Variants in SYNDIG1 observed in about 807,000 individuals in gnomAD.
SYNDIG1 encodes synapse differentiation-inducing gene protein 1.
A neutral mutation model predicts 19.4 loss-of-function variants in SYNDIG1; 9 were observed. That is an observed-to-expected ratio of 0.46 (90% CI 0.28 to 0.81). The LOEUF (loss-of-function observed/expected upper bound fraction) is 0.81, where lower values mean the gene tolerates loss of function less well. SYNDIG1 is among the 30% of genes least tolerant of loss of function. The pLI, the probability that SYNDIG1 is intolerant of heterozygous loss-of-function variation, is 0.12. For synonymous variants in SYNDIG1, 141 were observed against 145.9 expected (o/e 0.97, Z 0.24); for missense variants, 311 against 343.3 (o/e 0.91, Z 0.74).
Position 24,666,316 on chromosome 20 carries a change from C to T in SYNDIG1, c.*812C>T, listed in dbSNP as rs2059646753. On this transcript the variant is annotated 3_prime_UTR_variant, in exon 4 of 4. Transcript: ENST00000376862. ...ACTGCAGCTATGGGCACTGCCTCAG[C>T]CTAAAGACACAGGGGCGCCTCCCAA... The T allele has an allele frequency of 6.6e-6, 1 of 152,642 alleles. No homozygotes were observed. The highest frequency in any genetic ancestry group is 2.4e-5 in the African/African-American group (1 of 41,454). The allele number at this position is 152,642 out of a possible 1,614,324, so 9.5% of individuals were successfully genotyped here.
intron 3 of SYNDIG1, among the ~76,000 whole-genome samples, chr20:24,661,655 G>A (rs1451218066): frequency 2.0e-5 from 3 of 152,010 alleles, no homozygotes; most frequent in African/African-American, 7.2e-5. Flanking sequence ...CAGCATGCCA[G>A]CATATGCCAA....
chr20:24,589,340 T>C (rs2058469319), intron 3 of SYNDIG1, among the ~76,000 whole-genome samples: 2 of 152,220 alleles, frequency 1.3e-5, no homozygotes. Context: ...TATGGGCACA[T>C]GAGGGAAATA....
chr20:24,649,925 A>T (rs2147364202), intron 3 of SYNDIG1, among the ~76,000 whole-genome samples: 1 of 152,348 alleles, frequency 6.6e-6, no homozygotes, highest in Admixed American at 6.5e-5. Context: ...TGCAAATAAA[A>T]CTAATTCAAA....
intron 3 of SYNDIG1, among the ~76,000 whole-genome samples, chr20:24,635,531 T>C (rs2059306546): frequency 6.6e-6 from 1 of 152,230 alleles, no homozygotes; most frequent in South Asian, 2.1e-4. Context: ...GTCTCTGTGC[T>C]GGTTGGGTCT....
chr20:24,582,984 C>T lies in SYNDIG1; in HGVS notation c.481-1872C>T, dbSNP rs116577375. ...GCAGGCTTGTTGGGGGGCGAGTAAA[C>T]AGTGAGCCCAAGTTCCACGAGAGGC... On this transcript the variant is annotated intron_variant, in intron 2 of 3. Transcript: ENST00000376862. 5.8e-3 allele frequency among the ~76,000 whole-genome samples: 887 copies of T among 152,290 alleles called. 4 individuals are homozygous for T. Among genetic ancestry groups the T allele is most frequent in the African/African-American group, 0.02 (824 of 41,548 alleles).
At chr20:24,631,296 G>A (rs1260586551) in intron 3 of SYNDIG1, among the ~76,000 whole-genome samples, 1 of 152,254 alleles carries the variant, frequency 6.6e-6, no homozygotes. Flanking sequence ...AGTGGAAGAT[G>A]AAATGGTGAC....
chr20:24,557,981 C>G (rs1029027255), intron 2 of SYNDIG1, among the ~76,000 whole-genome samples: 1 of 152,278 alleles, frequency 6.6e-6, no homozygotes, highest in South Asian at 2.1e-4. Context: ...GATGGGAGCT[C>G]AGTCTCAAAT....
intron 3 of SYNDIG1, 63 bp downstream of exon 3, chr20:24,585,056 G>GGGGCCCCCC: frequency 1.8e-5 from 10 of 545,642 alleles, no homozygotes; most frequent in Non-Finnish European, 3.4e-5. Context: ...GGTGGGGGCG[G>GGGGCCCCCC]CAATCCCAGC....
At chr20:24,476,675 A>AC (rs926835529) in intron 1 of SYNDIG1, among the ~76,000 whole-genome samples, 1 of 152,076 alleles carries the variant, frequency 6.6e-6, no homozygotes, top group Non-Finnish European at 1.5e-5. Context: ...AACTAAAAAA[A>AC]AAACAAACAA....
intron 3 of SYNDIG1, among the ~76,000 whole-genome samples, chr20:24,653,456 C>G (rs1225121458): frequency 6.6e-6 from 1 of 152,162 alleles, no homozygotes; most frequent in Non-Finnish European, 1.5e-5. Flanking sequence ...GGCTTAGTGG[C>G]AGACGTTTCT....
At chr20:24,647,672 A>G (rs924472757) in intron 3 of SYNDIG1, among the ~76,000 whole-genome samples, 6 of 151,910 alleles carry the variant, frequency 3.9e-5, no homozygotes, top group Non-Finnish European at 7.4e-5. Flanking sequence ...CCAGTTAAGA[A>G]GGCCCAGCAA....
chr20:24,591,637 G>A (rs984766131), intron 3 of SYNDIG1, among the ~76,000 whole-genome samples: 12 of 152,244 alleles, frequency 7.9e-5, no homozygotes, highest in African/African-American at 1.4e-4. Context: ...ACAGTGGGAA[G>A]GAGAATGGGG....
chr20:24,505,660 C>T (rs1254190284), intron 1 of SYNDIG1, among the ~76,000 whole-genome samples: 2 of 152,230 alleles, frequency 1.3e-5, no homozygotes, highest in Admixed American at 1.3e-4. Flanking sequence ...TCGCCCAGGT[C>T]AGCTGTTTAT....
At chr20:24,480,817 A>G (rs1360254599) in intron 1 of SYNDIG1, among the ~76,000 whole-genome samples, 4 of 152,220 alleles carry the variant, frequency 2.6e-5, no homozygotes, top group African/African-American at 7.2e-5. Context: ...AAATTCTGTC[A>G]TAGGCTACAA....
chr20:24,614,718 G>A (rs2147194183), intron 3 of SYNDIG1, among the ~76,000 whole-genome samples: 1 of 152,074 alleles, frequency 6.6e-6, no homozygotes, highest in Admixed American at 6.5e-5. Context: ...AAGTTGTCAG[G>A]GTATAAATAA....
rs146282502 is a variant in SYNDIG1, at chr20:24,530,962, C to G, written c.-78-12058C>G. On this transcript the variant is annotated intron_variant, in intron 1 of 3. Coordinates refer to ENST00000376862, the MANE Select transcript of SYNDIG1 (RefSeq NM_024893.3). ...TAGCTGGGACTACAGGCGCATGCCACCAAGCCCAGCTAATTTTTTTGTATT... is the reference window on the plus strand; with the variant it reads ...TAGCTGGGACTACAGGCGCATGCCAGCAAGCCCAGCTAATTTTTTTGTATT... Among the ~76,000 whole-genome samples, 302 of 152,152 alleles carry G rather than the reference C, an allele frequency of 2.0e-3. 1 individual carries two copies. Among genetic ancestry groups the G allele is most frequent in the African/African-American group, 6.4e-3 (265 of 41,532 alleles).
intron 1 of SYNDIG1, among the ~76,000 whole-genome samples, chr20:24,490,806 G>T (rs2146307309): frequency 6.6e-6 from 1 of 152,342 alleles, no homozygotes; most frequent in South Asian, 2.1e-4. Flanking sequence ...GAAGCGCCAG[G>T]CTCCAGGGCA....
chr20:24,481,907 T>C (rs2055808381), intron 1 of SYNDIG1, among the ~76,000 whole-genome samples: 1 of 152,226 alleles, frequency 6.6e-6, no homozygotes, highest in South Asian at 2.1e-4. Context: ...CCTGAACATC[T>C]TACCGTAATC....
chr20:24,476,419 G>A (rs2055627127), intron 1 of SYNDIG1, among the ~76,000 whole-genome samples: 2 of 152,098 alleles, frequency 1.3e-5, no homozygotes, highest in East Asian at 3.9e-4. Context: ...TGTAATCCCA[G>A]CACTTTGGGA....
Sources: gnomAD v4.1 joint callset for allele counts (sites outside exome capture counted in the v4.1 genomes callset) on GRCh38, gnomAD v4.1.1 for gene constraint, MANE v1.5 for transcripts, NCBI Gene and HGNC (gene_info 2026-07-23, HGNC 2026-07-21) for gene names.